HECW1: variants seen among roughly 807,000 people sequenced by gnomAD.
HECW1 encodes the protein E3 ubiquitin-protein ligase HECW1.
A neutral mutation model predicts 182.3 loss-of-function variants in HECW1; 61 were observed. The ratio of observed to expected loss-of-function variants is 0.33; its 90% confidence interval spans 0.27 to 0.41. HECW1 has a LOEUF of 0.41. HECW1 is among the 10% of genes least tolerant of loss of function. The pLI is 1.00. For synonymous variants in HECW1, 859 were observed against 832.6 expected, an observed-to-expected ratio of 1.03 and a Z score of -0.55; for missense variants, 1,739 against 2,108.9, an observed-to-expected ratio of 0.82 and a Z score of 3.44.
intron 17 of HECW1, among the ~76,000 whole-genome samples, chr7:43,480,219 C>T (rs1358025502): frequency 6.6e-6 from 1 of 152,228 alleles, no homozygotes; most frequent in Admixed American, 6.5e-5. Context: ...TCTATTCCCA[C>T]TCTATTCGCG....
chr7:43,256,757 C>G (rs999700606), intron 3 of HECW1, among the ~76,000 whole-genome samples: 1 of 152,088 alleles, frequency 6.6e-6, no homozygotes, highest in Non-Finnish European at 1.5e-5. Flanking sequence ...AGCTACTTCA[C>G]TAAAAGCAAT....
intron 5 of HECW1, among the ~76,000 whole-genome samples, chr7:43,354,179 T>A (rs1345069417): frequency 1.2e-4 from 15 of 124,586 alleles, no homozygotes; most frequent in Middle Eastern, 4.3e-3. Context: ...CACAAACATA[T>A]CCAATAATAA....
chr7:43,176,706 G>A (rs1792286981), intron 2 of HECW1, among the ~76,000 whole-genome samples: 1 of 152,330 alleles, frequency 6.6e-6, no homozygotes, highest in South Asian at 2.1e-4. Flanking sequence ...GAGTCCTCTT[G>A]ACCCAATCAT....
At chr7:43,548,397 C>T (rs1225601454) in intron 26 of HECW1, among the ~76,000 whole-genome samples, 4 of 152,120 alleles carry the variant, frequency 2.6e-5, no homozygotes, top group African/African-American at 7.2e-5. Flanking sequence ...TCCAAACCCA[C>T]GCTGCTCAAG....
chr7:43,513,354 A>G (rs990508107), intron 24 of HECW1, among the ~76,000 whole-genome samples: 1 of 152,106 alleles, frequency 6.6e-6, no homozygotes, highest in Non-Finnish European at 1.5e-5. Flanking sequence ...TTCTTCTCAC[A>G]CTGCACGTGG....
At chr7:43,422,096 G>T (rs768571147) in intron 8 of HECW1, among the ~76,000 whole-genome samples, 18 of 152,142 alleles carry the variant, frequency 1.2e-4, no homozygotes, top group Non-Finnish European at 2.4e-4. Flanking sequence ...TGCTGGTGCT[G>T]GTTGTGAGAT....
intron 12 of HECW1, among the ~76,000 whole-genome samples, chr7:43,451,922 AAGG>A (rs1409160432): frequency 2.6e-5 from 4 of 152,214 alleles, no homozygotes; most frequent in South Asian, 2.1e-4. Flanking sequence ...CAGTTTTCAA[AAGG>A]AGAAGTGCTT....
chr7:43,466,676 A>T, intron 15 of HECW1, 108 bp downstream of exon 15: 2 of 1,297,038 alleles, frequency 1.5e-6, no homozygotes, highest in South Asian at 3.2e-5. Context: ...AACATAAGCA[A>T]GAAAAAACAA....
At chr7:43,137,592 C>G (rs1787699144) in intron 2 of HECW1, among the ~76,000 whole-genome samples, 1 of 150,826 alleles carries the variant, frequency 6.6e-6, no homozygotes, top group Non-Finnish European at 1.5e-5. Context: ...CTCTGTCATC[C>G]AGGCTGGAGT....
At chr7:43,493,317 A>C in intron 19 of HECW1, 137 bp downstream of exon 19, 1 of 581,240 alleles carries the variant, frequency 1.7e-6, no homozygotes, top group Non-Finnish European at 3.0e-6. Context: ...TTGAATCCTC[A>C]AGATGAAGGG....
chr7:43,274,337 G>T, intron 3 of HECW1: 1 of 795,014 alleles, frequency 1.3e-6, no homozygotes, highest in East Asian at 2.8e-5. Flanking sequence ...ACTTCAGGCT[G>T]GATTGTCTAC....
At chr7:43,405,322 G>A (rs1296477073) in intron 7 of HECW1, among the ~76,000 whole-genome samples, 1 of 152,142 alleles carries the variant, frequency 6.6e-6, no homozygotes, top group Non-Finnish European at 1.5e-5. Context: ...TCAACAATTT[G>A]CTAGGAGGAC....
intron 21 of HECW1, among the ~76,000 whole-genome samples, chr7:43,504,779 G>A (rs949085432): frequency 6.6e-6 from 1 of 152,074 alleles, no homozygotes; most frequent in South Asian, 2.1e-4. Flanking sequence ...AGCAAATGAC[G>A]TCCTGTTTTA....
chr7:43,288,445 T>G lies in HECW1; in HGVS notation c.28-23318T>G, dbSNP rs575023251. On this transcript the variant is annotated intron_variant, in intron 3 of 29. Transcript: ENST00000395891. The stretch of plus-strand genomic sequence containing the variant: ...TTCCATAATTTTAAGTTGAACACCC[T>G]CCTTAAAGAGAAAATGTGCACTGTG... Among the ~76,000 whole-genome samples the G allele has an allele frequency of 1.1e-3, 166 of 152,288 alleles. 1 individual carries two copies. Among genetic ancestry groups the G allele is most frequent in the African/African-American group, 3.9e-3 (163 of 41,562 alleles).
chr7:43,541,750 T>C, intron 25 of HECW1, 119 bp from the exon 26 acceptor site: 1 of 894,132 alleles, frequency 1.1e-6, no homozygotes, highest in Non-Finnish European at 1.6e-6. Flanking sequence ...GATTCAAAAG[T>C]ATCCAATTGT....
intron 19 of HECW1, among the ~76,000 whole-genome samples, chr7:43,495,758 T>C (rs975546779): frequency 1.3e-5 from 2 of 152,246 alleles, no homozygotes; most frequent in African/African-American, 4.8e-5. Context: ...TTCAGCCACC[T>C]GGGTCATTCA....
intron 24 of HECW1, among the ~76,000 whole-genome samples, chr7:43,538,643 G>A (rs759538005): frequency 7.2e-5 from 11 of 152,256 alleles, no homozygotes; most frequent in East Asian, 1.9e-4. Context: ...CAGTTTCCTC[G>A]CTGAACCACT....
rs201974973 is a variant in HECW1 at position 43,444,597 on chromosome 7, C to T, written c.1425C>T (p.Asp475=). 71 of 1,610,606 alleles carry T rather than the reference C, an allele frequency of 4.4e-5. 1 individual carries two copies. Among genetic ancestry groups the T allele is most frequent in the South Asian group, 2.4e-4 (22 of 90,408 alleles). ...GEEASALLLE[D]GEAPASTKEE... Reference sequence around the variant, plus strand: ...AGGCATCAGCACTGCTGCTGGAAGACGGTGAAGCCCCAGCCAGCACCAAGG... The same window carrying T: ...AGGCATCAGCACTGCTGCTGGAAGATGGTGAAGCCCCAGCCAGCACCAAGG... Residue 475 remains aspartate (D), a synonymous_variant, in exon 11 of 30, where the codon GAC becomes GAT. Coordinates refer to ENST00000395891, the MANE Select transcript of HECW1 (RefSeq NM_015052.5). This position sits in a 1 kb window ranked among gnomAD's most constrained non-coding sequence, Gnocchi z 4.3.
intron 24 of HECW1, among the ~76,000 whole-genome samples, chr7:43,535,311 A>G (rs150048874): frequency 6.6e-6 from 1 of 152,366 alleles, no homozygotes; most frequent in East Asian, 1.9e-4. Flanking sequence ...TGCAAAACCC[A>G]GATGGAACTA....
Sources: allele counts gnomAD v4.1 joint callset (sites outside exome capture counted in the v4.1 genomes callset), GRCh38; gene constraint gnomAD v4.1.1; non-coding constraint Gnocchi (gnomAD v3.1); transcripts MANE v1.5; gene names NCBI Gene and HGNC (gene_info 2026-07-23, HGNC 2026-07-21).